The following SMAP1 variants were observed in gnomAD, a reference collection of about 807,000 sequenced individuals.
SMAP1 encodes stromal membrane-associated protein 1.
Under a neutral mutation model 58.5 loss-of-function variants are expected in SMAP1, and 24 were observed. That is an observed-to-expected ratio of 0.41 (90% CI 0.30 to 0.58). The LOEUF (loss-of-function observed/expected upper bound fraction) is 0.58. Ranked by LOEUF, SMAP1 falls within the 20% of genes least tolerant of loss-of-function variation. SMAP1 has a pLI of 0.29. For synonymous variants in SMAP1, 216 were observed against 196.6 expected, an observed-to-expected ratio of 1.10 and a Z score of -0.82; for missense variants, 563 against 566.3, an observed-to-expected ratio of 0.99 and a Z score of 0.06.
Position 70,809,090 on chromosome 6 carries a change from C to T in SMAP1, c.576+10353C>T, listed in dbSNP as rs117303041. ...CTCTTGTGCAGATATTTGCCATTAG[C>T]TTCTTGACGTTTTTAAGAGAAAATC... is the stretch of plus-strand genomic sequence containing the variant. On this transcript the variant is annotated intron_variant, in intron 6 of 10. Transcript: ENST00000370455. Among the ~76,000 whole-genome samples the T allele has an allele frequency of 5.1e-3, 778 of 152,160 alleles. 3 individuals are homozygous for T. Among genetic ancestry groups the T allele is most frequent in the Non-Finnish European group, 9.2e-3 (628 of 67,990 alleles).
At chr6:70,691,410 A>C (rs1220307977) in intron 1 of SMAP1, among the ~76,000 whole-genome samples, 1 of 152,206 alleles carries the variant, frequency 6.6e-6, no homozygotes, top group African/African-American at 2.4e-5. Flanking sequence ...AGGGTAAATG[A>C]GGTTTCCATC....
chr6:70,761,734 A>G (rs1766754625), intron 3 of SMAP1, among the ~76,000 whole-genome samples: 1 of 152,074 alleles, frequency 6.6e-6, no homozygotes, highest in Non-Finnish European at 1.5e-5. Context: ...AGTTGTTTAG[A>G]TACTATTGGC....
intron 1 of SMAP1, among the ~76,000 whole-genome samples, chr6:70,680,718 T>G (rs1460619317): frequency 2.6e-4 from 36 of 139,344 alleles, no homozygotes; most frequent in African/African-American, 9.7e-4. Flanking sequence ...TCCTGTTTTT[T>G]TTTTTTTTTT....
chr6:70,748,201 A>G (rs997878510), intron 2 of SMAP1, among the ~76,000 whole-genome samples: 1 of 152,216 alleles, frequency 6.6e-6, no homozygotes, highest in African/African-American at 2.4e-5. Context: ...AAGTGGTAGT[A>G]GAGGTGAGTT....
intron 1 of SMAP1, among the ~76,000 whole-genome samples, chr6:70,710,978 A>G (rs755405396): frequency 6.6e-6 from 1 of 152,088 alleles, no homozygotes; most frequent in Non-Finnish European, 1.5e-5. Flanking sequence ...ATCCTATCCC[A>G]TGGAAGGTCT....
intron 3 of SMAP1, among the ~76,000 whole-genome samples, chr6:70,763,106 CTTTTTTTTTTTTT>C (rs35936929): frequency 1.2e-5 from 1 of 84,462 alleles, no homozygotes; most frequent in African/African-American, 4.9e-5. Context: ...ACAGATATTA[CTTTTTTTTTTTTT>C]TTTTTTTTTT....
Position 70,861,835 on chromosome 6 carries a change from T to G in SMAP1, c.*1501T>G. On this transcript the variant is annotated 3_prime_UTR_variant, in exon 11 of 11. Coordinates refer to ENST00000370455, the MANE Select transcript of SMAP1 (RefSeq NM_001044305.3). Reference sequence around the variant, plus strand: ...AGCACAAGTGTAATGAATACCTTAGTGCAGTTATTTGCTTTCGGTTCCAGT... The same window carrying G: ...AGCACAAGTGTAATGAATACCTTAGGGCAGTTATTTGCTTTCGGTTCCAGT... 6.2e-7 allele frequency: 1 copy of G among 1,614,116 alleles called. No homozygotes were observed. The highest frequency in any genetic ancestry group is 8.5e-7 in the Non-Finnish European group (1 of 1,179,992).
intron 7 of SMAP1, among the ~76,000 whole-genome samples, chr6:70,841,496 A>G (rs928431515): frequency 2.0e-5 from 3 of 152,002 alleles, no homozygotes; most frequent in Non-Finnish European, 2.9e-5. Flanking sequence ...GGTGTACATC[A>G]TGTGTTTCTC....
At chr6:70,821,242 T>G (rs1308365751) in intron 6 of SMAP1, among the ~76,000 whole-genome samples, 1 of 152,232 alleles carries the variant, frequency 6.6e-6, no homozygotes, top group African/African-American at 2.4e-5. Flanking sequence ...TATGGATTCT[T>G]TTGCTGATCA....
chr6:70,835,571 A>G (rs1469604548), intron 6 of SMAP1, among the ~76,000 whole-genome samples: 4 of 152,142 alleles, frequency 2.6e-5, no homozygotes, highest in Non-Finnish European at 5.9e-5. Context: ...CGGTAGTGCA[A>G]TCATAGCTCA....
intron 1 of SMAP1, among the ~76,000 whole-genome samples, chr6:70,714,324 A>G (rs1768176631): frequency 1.3e-5 from 2 of 151,008 alleles, no homozygotes; most frequent in South Asian, 4.2e-4. Context: ...TTTCTCTCCT[A>G]TTGTCGTCTT....
intron 2 of SMAP1, among the ~76,000 whole-genome samples, chr6:70,749,616 C>T (rs1766193081): frequency 6.6e-6 from 1 of 151,652 alleles, no homozygotes; most frequent in Non-Finnish European, 1.5e-5. Flanking sequence ...AAACAACAAC[C>T]AGTAAACCTC....
chr6:70,736,619 A>G (rs1765628776), intron 2 of SMAP1, among the ~76,000 whole-genome samples: 1 of 152,232 alleles, frequency 6.6e-6, no homozygotes, highest in Admixed American at 6.5e-5. Flanking sequence ...TTCTACTTGC[A>G]GCTTGACAAA....
At chr6:70,731,412 A>C (rs1016571768) in intron 1 of SMAP1, among the ~76,000 whole-genome samples, 1 of 152,326 alleles carries the variant, frequency 6.6e-6, no homozygotes, top group South Asian at 2.1e-4. Context: ...AAGAACTAAC[A>C]TTTTGTAGCA....
chr6:70,711,002 C>T (rs1446445582), intron 1 of SMAP1, among the ~76,000 whole-genome samples: 2 of 152,116 alleles, frequency 1.3e-5, no homozygotes, highest in East Asian at 3.8e-4. Context: ...AGGGCAATAA[C>T]ACACATGGAG....
chr6:70,737,446 C>T (rs752211931), intron 2 of SMAP1, among the ~76,000 whole-genome samples: 3 of 152,280 alleles, frequency 2.0e-5, no homozygotes, highest in Non-Finnish European at 2.9e-5. Flanking sequence ...CGTGCTTGGC[C>T]GGAAATGTAT....
chr6:70,829,912 ATGG>A (rs1342491790), intron 6 of SMAP1, among the ~76,000 whole-genome samples: 1 of 152,176 alleles, frequency 6.6e-6, no homozygotes. Flanking sequence ...GGGCTAGGAA[ATGG>A]TGGTAAATGT....
At chr6:70,851,921 T>C (rs1771199651) in intron 7 of SMAP1, among the ~76,000 whole-genome samples, 1 of 152,174 alleles carries the variant, frequency 6.6e-6, no homozygotes, top group Non-Finnish European at 1.5e-5. Context: ...TAGAATCAGT[T>C]TAAGTATTGT....
At chr6:70,672,142 A>G (rs1301594377) in intron 1 of SMAP1, among the ~76,000 whole-genome samples, 2 of 152,212 alleles carry the variant, frequency 1.3e-5, no homozygotes, top group Non-Finnish European at 2.9e-5. Context: ...GTAAGACCTA[A>G]AGGAGTTTGT....
Sources: allele counts gnomAD v4.1 joint callset (sites outside exome capture counted in the v4.1 genomes callset), GRCh38; gene constraint gnomAD v4.1.1; transcripts MANE v1.5; gene names NCBI Gene and HGNC (gene_info 2026-07-23, HGNC 2026-07-21).